Variants in HOXC6 observed in about 807,000 individuals in gnomAD.
The protein encoded by HOXC6 is homeobox C6, also known as homeobox protein Hox-C6.
A neutral mutation model predicts 24.0 loss-of-function variants in HOXC6; 10 were observed. That is an observed-to-expected ratio of 0.42 (90% confidence interval 0.26 to 0.71). The LOEUF is 0.71. Ranked by LOEUF, HOXC6 falls within the 30% of genes least tolerant of loss-of-function variation. The probability of loss-of-function intolerance (pLI) is 0.28; values close to 1 mark genes in which losing one functional copy is unlikely to be tolerated. For missense variants in HOXC6, 258 were observed against 303.4 expected (o/e 0.85, Z 1.11); for synonymous variants, 123 against 128.1 (o/e 0.96, Z 0.27).
intron 1 of HOXC6, among the ~76,000 whole-genome samples, chr12:54,018,125 AGGTGCCCTGCGTTGGGTGGAG>A (rs1241418451): frequency 7.2e-6 from 1 of 139,252 alleles, no homozygotes; most frequent in Non-Finnish European, 1.6e-5. Context: ...GAAGGGTGGG[AGGTGCCCTGCGTTGGGTGGAG>A]GGTGGAGGTT....
At chr12:54,029,409 C>T (rs1292366871) in intron 1 of HOXC6, among the ~76,000 whole-genome samples, 1 of 87,044 alleles carries the variant, frequency 1.1e-5, no homozygotes, top group Non-Finnish European at 2.2e-5. Flanking sequence ...CCCCGCCCCC[C>T]CGCCCCCCCC....
At chr12:54,017,488 T>G (rs1000563189) in intron 1 of HOXC6, 3 of 151,918 alleles carry the variant, frequency 2.0e-5, no homozygotes, top group Non-Finnish European at 4.4e-5. Context: ...CAGCAGCGGC[T>G]TCTCTTGGTT....
At position 54,018,348 on chromosome 12, in the gene HOXC6, G is replaced by C. The variant is rs943542149; in HGVS notation, c.-193+934G>C. Among the ~76,000 whole-genome samples, 7 of 152,338 alleles carry C rather than the reference G, an allele frequency of 4.6e-5. No individual in the cohort carries two copies. In the East Asian group the frequency reaches 9.6e-4, roughly 21 times the overall value. On this transcript the variant is annotated intron_variant, in intron 1 of 2. Transcript: ENST00000394331. The stretch of plus-strand genomic sequence containing the variant: ...CTGGGCTAGGACCTGCCTCGCCTCG[G>C]GGGGAGGTGGAAATGGGGAAGGCCC...
chr12:54,021,307 T>G (rs1940424833), intron 1 of HOXC6: 1 of 152,170 alleles, frequency 6.6e-6, no homozygotes, highest in Non-Finnish European at 1.5e-5. Context: ...GAACTGCGTT[T>G]TAATCCTCGT....
At position 54,029,765 on chromosome 12, in the gene HOXC6, C is replaced by T; in HGVS notation, c.511C>T (p.Arg171Cys). The change falls in exon 2 of 2, where the codon CGC (arginine) becomes TGC (cysteine). Residue 171 changes from arginine (R) to cysteine (C), a missense_variant. Physicochemically the swap from Arg to Cys is radical, Grantham distance 180. Transcript: ENST00000243108. Reference sequence around the variant, plus strand: ...CAATCGCTACCTAACGCGGCGCCGGCGCATCGAGATCGCCAACGCGCTTTG... The same window carrying T: ...CAATCGCTACCTAACGCGGCGCCGGTGCATCGAGATCGCCAACGCGCTTTG... The part of the protein sequence containing the change: ...HFNRYLTRRR[R>C]IEIANALCLT... 1 of 1,614,092 alleles carries T rather than the reference C, an allele frequency of 6.2e-7. No individual in the cohort carries two copies. The highest frequency in any genetic ancestry group is 8.5e-7 in the Non-Finnish European group (1 of 1,180,022).
upstream of HOXC6, among the ~76,000 whole-genome samples, chr12:54,024,825 G>A (rs569686601): frequency 4.6e-5 from 7 of 152,208 alleles, no homozygotes; most frequent in Non-Finnish European, 8.8e-5. Flanking sequence ...GCCAGTGACT[G>A]CACCCCACTC....
At chr12:54,021,345 T>C (rs1429428210) in intron 1 of HOXC6, 1 of 152,248 alleles carries the variant, frequency 6.6e-6, no homozygotes, top group Non-Finnish European at 1.5e-5. Flanking sequence ...CAAGACCTGG[T>C]CAGGGAGACG....
upstream of HOXC6, among the ~76,000 whole-genome samples, chr12:54,024,830 C>A (rs1484505598): frequency 6.6e-6 from 1 of 152,204 alleles, no homozygotes; most frequent in Non-Finnish European, 1.5e-5. Flanking sequence ...TGACTGCACC[C>A]CACTCAGGTC....
chr12:54,026,945 C>CG (rs1165153052), upstream of HOXC6, among the ~76,000 whole-genome samples: 22 of 138,616 alleles, frequency 1.6e-4, no homozygotes, highest in African/African-American at 6.1e-4. Flanking sequence ...TTCCCCCCCC[C>CG]CAACCCACCC....
upstream of HOXC6, chr12:54,028,246 CAT>C (rs147627891): frequency 1.5e-3 from 220 of 149,172 alleles, no homozygotes; most frequent in Non-Finnish European, 2.0e-3. Context: ...AGTTCCCTTA[CAT>C]ATATATATAT....
intron 1 of HOXC6, among the ~76,000 whole-genome samples, chr12:54,022,894 T>C (rs555048536): frequency 6.6e-6 from 1 of 152,310 alleles, no homozygotes; most frequent in South Asian, 2.1e-4. Flanking sequence ...GCCAGGAGGC[T>C]GGGGATCCTT....
chr12:54,029,500 T>TG (rs1697213288), intron 1 of HOXC6, 155 bp from the exon 2 acceptor site: 1 of 434,752 alleles, frequency 2.3e-6, no homozygotes. Context: ...GTACCCCCAG[T>TG]GGGGGTGGGG....
rs984951104 is a variant in HOXC6, at chr12:54,028,801, C to T, written c.280C>T (p.His94Tyr). 4 of 1,614,020 alleles carry T rather than the reference C, an allele frequency of 2.5e-6. No homozygotes were observed. In the African/African-American group the frequency reaches 4.0e-5, roughly 16 times the overall value. ...AAACTGCAGACAAAACACCTTAGGA[C>T]ATAACACACAGACCTCAATCGCTCA... ...LSNCRQNTLG[H>Y]NTQTSIAQDF... Residue 94 changes from histidine (H) to tyrosine (Y), a missense_variant, in exon 1 of 2, where the codon CAT becomes TAT. Transcript: ENST00000243108.
intron 1 of HOXC6, chr12:54,021,989 C>T (rs554730610): frequency 1.4e-4 from 21 of 152,360 alleles, no homozygotes; most frequent in Admixed American, 3.9e-4. Context: ...AGTCTTAAAA[C>T]AGGGCAGCTG....
intron 1 of HOXC6, 168 bp from the exon 2 acceptor site, chr12:54,029,487 G>T (rs1940896521): frequency 5.6e-6 from 3 of 532,462 alleles, no homozygotes; most frequent in East Asian, 3.3e-5. Flanking sequence ...TGGGGTCCTC[G>T]CTGTACCCCC....
rs1565741060 is a variant in HOXC6, at chr12:54,028,520, G to T, written c.-2G>T. 6.2e-7 allele frequency: 1 copy of T among 1,613,256 alleles called. No homozygotes were observed. The highest frequency in any genetic ancestry group is 8.5e-7 in the Non-Finnish European group (1 of 1,179,480). On this transcript the variant is annotated 5_prime_UTR_variant, in exon 1 of 2. Transcript: ENST00000243108. ...ATAGACCGACCAGGTAAAGGCAAAG[G>T]GATGAATTCCTACTTCACTAACCCT...
At chr12:54,027,043 G>C (rs1390488941), upstream of HOXC6, among the ~76,000 whole-genome samples, 3 of 151,224 alleles carry the variant, frequency 2.0e-5, no homozygotes, top group African/African-American at 4.9e-5. Context: ...GGCATTTTCA[G>C]CCTATATCAC....
At chr12:54,025,533 GGGGGGA>G, upstream of HOXC6, among the ~76,000 whole-genome samples, 1 of 48,424 alleles carries the variant, frequency 2.1e-5, no homozygotes, top group Non-Finnish European at 5.3e-5. Flanking sequence ...TAATTGGGGG[GGGGGGA>G]GGTGTTGAAA....
upstream of HOXC6, among the ~76,000 whole-genome samples, chr12:54,025,526 T>C (rs1456298714): frequency 2.0e-4 from 3 of 15,204 alleles, no homozygotes; most frequent in Non-Finnish European, 2.9e-4. Context: ...TGAAAGGTAA[T>C]TGGGGGGGGG....
Sources: gnomAD v4.1 joint callset for allele counts (sites outside exome capture counted in the v4.1 genomes callset) on GRCh38, gnomAD v4.1.1 for gene constraint, MANE v1.5 for transcripts, NCBI Gene and HGNC (gene_info 2026-07-23, HGNC 2026-07-21) for gene names.